Variants in SLC5A4 observed in about 807,000 individuals in gnomAD.
The protein encoded by SLC5A4 is probable glucose sensor protein SLC5A4.
Under a neutral mutation model 70.3 loss-of-function variants are expected in SLC5A4, and 55 were observed. The ratio of observed to expected loss-of-function variants is 0.78; its 90% CI spans 0.63 to 0.98. The LOEUF is 0.98. SLC5A4 is among the 50% of genes least tolerant of loss of function. The probability of loss-of-function intolerance (pLI) is 0.00; values close to 1 mark genes in which losing one functional copy is unlikely to be tolerated. For missense variants in SLC5A4, 735 were observed against 839.2 expected (o/e 0.88, Z 1.53); for synonymous variants, 268 against 305.7 (o/e 0.88, Z 1.29).
intron 2 of SLC5A4, 80 bp downstream of exon 2, chr22:32,254,062 T>G: frequency 6.7e-5 from 75 of 1,126,470 alleles, no homozygotes; most frequent in Middle Eastern, 1.9e-4. Context: ...ATTACAGGCG[T>G]GAGACACCGC....
chr22:32,308,306 C>A, the SLC5A4 span, among the ~76,000 whole-genome samples: 1 of 108,786 alleles, frequency 9.2e-6, no homozygotes, highest in Non-Finnish European at 1.8e-5. Context: ...CTCCAGGAAC[C>A]CCATGTCCTT....
chr22:32,241,531 T>G lies in SLC5A4; in HGVS notation c.478-2441A>C, dbSNP rs1307762073. Among the ~76,000 whole-genome samples the G allele has an allele frequency of 4.6e-5, 7 of 152,350 alleles. No individual in the cohort carries two copies. The South Asian group carries it at 1.5e-3, about 32-fold the overall frequency. On this transcript the variant is annotated intron_variant, in intron 5 of 14. Transcript: ENST00000266086. The stretch of plus-strand genomic sequence containing the variant: ...GGGCGAGGCAATTCGGAAATAATTT[T>G]CTTTTTAAAAATATTTACTTATTTT...
At position 32,252,920 on chromosome 22, in the gene SLC5A4, C is replaced by T. The variant is rs1473388916; in HGVS notation, c.208-1046G>A. Among the ~76,000 whole-genome samples the T allele has an allele frequency of 2.0e-5, 3 of 152,138 alleles. No individual in the cohort carries two copies. The East Asian group carries it at 5.8e-4, about 29-fold the overall frequency. ...AGCAGAAGAGAATTGGGGTGTGGCT[C>T]TTCCCACTTTTTAAGGCCTCTGTAA... On this transcript the variant is annotated intron_variant, in intron 2 of 14. Coordinates refer to ENST00000266086, the MANE Select transcript of SLC5A4 (RefSeq NM_014227.3).
At chr22:32,244,392 G>A (rs1488999519) in intron 5 of SLC5A4, among the ~76,000 whole-genome samples, 1 of 152,132 alleles carries the variant, frequency 6.6e-6, no homozygotes, top group Non-Finnish European at 1.5e-5. Context: ...TTGACTTCAT[G>A]TGTAGTTCTA....
chr22:32,309,190 T>C, the SLC5A4 span, among the ~76,000 whole-genome samples: 47 of 152,186 alleles, frequency 3.1e-4, no homozygotes, highest in African/African-American at 1.1e-3. Context: ...TACCAGCTAT[T>C]GGTTCTGAAT....
the SLC5A4 span, among the ~76,000 whole-genome samples, chr22:32,311,543 A>G: frequency 6.6e-6 from 1 of 152,224 alleles, no homozygotes; most frequent in Non-Finnish European, 1.5e-5. Flanking sequence ...TGTTACGGGC[A>G]TCTAGGCTTA....
the SLC5A4 span, among the ~76,000 whole-genome samples, chr22:32,266,042 A>G: frequency 6.6e-6 from 1 of 152,230 alleles, no homozygotes; most frequent in African/African-American, 2.4e-5. Flanking sequence ...CTACAGGAAG[A>G]AACACTTGAT....
At chr22:32,271,683 G>A in the SLC5A4 span, 11 of 583,910 alleles carry the variant, frequency 1.9e-5, no homozygotes, top group African/African-American at 1.3e-4. Flanking sequence ...GGGGTGCTGC[G>A]GCTGCACCCC....
the SLC5A4 span, among the ~76,000 whole-genome samples, chr22:32,262,190 C>T: frequency 1.3e-5 from 2 of 152,198 alleles, no homozygotes; most frequent in Non-Finnish European, 2.9e-5. Context: ...ATATGCCCAA[C>T]AGTGGGATTG....
the SLC5A4 span, among the ~76,000 whole-genome samples, chr22:32,331,893 G>A: frequency 6.6e-5 from 10 of 151,948 alleles, no homozygotes; most frequent in South Asian, 2.1e-4. Flanking sequence ...GTGGTCTCTC[G>A]GGGCATCTCA....
At position 32,247,502 on chromosome 22, in the gene SLC5A4, G is replaced by A. The variant is rs758291797; in HGVS notation, c.386C>T (p.Pro129Leu). Residue 129 changes from proline (P) to leucine (L), a missense_variant, in exon 5 of 15, where the codon CCG (proline) becomes CTG (leucine). Physicochemically the swap from Pro to Leu is moderately conservative, Grantham distance 98. Transcript: ENST00000266086. ...ACCAAACCGCTTCTTGAGATATTCC[G>A]GCATGGTCATCACCTGCAGAGACAG... ...IYIKSGVMTM[P>L]EYLKKRFGGE... The A allele has an allele frequency of 1.2e-4, 194 of 1,611,980 alleles. No homozygotes were observed. The highest frequency in any genetic ancestry group is 1.6e-4 in the Non-Finnish European group (186 of 1,178,174).
chr22:32,264,550 G>A, the SLC5A4 span, among the ~76,000 whole-genome samples: 1 of 152,058 alleles, frequency 6.6e-6, no homozygotes, highest in Non-Finnish European at 1.5e-5. Flanking sequence ...TAGCAGCAGT[G>A]GGCGACAGAG....
At chr22:32,243,382 G>A (rs568402589) in intron 5 of SLC5A4, among the ~76,000 whole-genome samples, 97 of 152,320 alleles carry the variant, frequency 6.4e-4, no homozygotes, top group Non-Finnish European at 1.2e-3. Flanking sequence ...ACCCTAGACC[G>A]CATCCTGTAC....
the SLC5A4 span, among the ~76,000 whole-genome samples, chr22:32,302,376 T>C: frequency 2.0e-5 from 3 of 152,198 alleles, no homozygotes; most frequent in Non-Finnish European, 4.4e-5. Flanking sequence ...AACATTTTAA[T>C]TGTGATTAAG....
rs190444324 is a variant in SLC5A4, at chr22:32,220,810, T to C, written c.1768+110A>G. The C allele has an allele frequency of 1.7e-4, 135 of 775,310 alleles. No homozygotes were observed. In the Admixed American group the frequency reaches 2.6e-3, roughly 15 times the overall value. 48.0% of individuals were successfully genotyped at this position (775,310 alleles called of 1,614,324 possible). On this transcript the variant is annotated intron_variant, in intron 14 of 14. Transcript: ENST00000266086. ...AAAAATTTAAAGTTTCAGTTTGTCA[T>C]AAATCTAACAGCCTTTTCGGAAGCT...
At chr22:32,256,787 T>C (rs1244809745), upstream of SLC5A4, among the ~76,000 whole-genome samples, 1 of 152,248 alleles carries the variant, frequency 6.6e-6, no homozygotes, top group Non-Finnish European at 1.5e-5. Context: ...CCAATACTCA[T>C]ATATACCACA....
chr22:32,323,598 G>A, the SLC5A4 span, among the ~76,000 whole-genome samples: 13 of 152,338 alleles, frequency 8.5e-5, no homozygotes, highest in East Asian at 5.8e-4. Flanking sequence ...CATTAGGCTG[G>A]AAAAGGTTGG....
At chr22:32,324,237 A>G in the SLC5A4 span, among the ~76,000 whole-genome samples, 382 of 150,576 alleles carry the variant, frequency 2.5e-3, 2 homozygotes, top group African/African-American at 8.9e-3. Flanking sequence ...ATGTGTATAC[A>G]TATGTATGTG....
chr22:32,330,583 G>GGT, the SLC5A4 span, among the ~76,000 whole-genome samples: 2,254 of 124,470 alleles, frequency 0.018, 109 homozygotes, highest in African/African-American at 0.06. Flanking sequence ...TGGGGGCTGT[G>GGT]GTGTGTGTGT....
Sources: gnomAD v4.1 joint callset for allele counts (sites outside exome capture counted in the v4.1 genomes callset) on GRCh38, gnomAD v4.1.1 for gene constraint, MANE v1.5 for transcripts, NCBI Gene and HGNC (gene_info 2026-07-23, HGNC 2026-07-21) for gene names.